Variants in CENPP observed in about 807,000 individuals in gnomAD.
The protein encoded by CENPP is centromere protein P.
CENPP carries 24 observed loss-of-function variants against 35.6 expected under a neutral mutation model. That is an observed-to-expected ratio of 0.67 (90% CI 0.49 to 0.95). CENPP has a LOEUF of 0.95. Ranked by LOEUF, CENPP falls within the 40% of genes least tolerant of loss-of-function variation. CENPP has a pLI of 0.00. For missense variants in CENPP, 332 were observed against 345.3 expected, an observed-to-expected ratio of 0.96 and a Z score of 0.31; for synonymous variants, 120 against 125.5, an observed-to-expected ratio of 0.96 and a Z score of 0.29.
At chr9:92,612,701 A>G (rs1851299848) in intron 7 of CENPP, 87 bp downstream of exon 7, 9 of 950,096 alleles carry the variant, frequency 9.5e-6, no homozygotes, top group African/African-American at 1.6e-5. Context: ...TTCAAAGGGC[A>G]AGAATCAAAA....
intron 4 of CENPP, among the ~76,000 whole-genome samples, chr9:92,360,401 C>T (rs1841715969): frequency 6.6e-6 from 1 of 152,096 alleles, no homozygotes; most frequent in African/African-American, 2.4e-5. Flanking sequence ...CCTATCTCTA[C>T]AAAAACAACA....
chr9:92,504,992 G>A (rs1846911176), intron 5 of CENPP, among the ~76,000 whole-genome samples: 1 of 152,228 alleles, frequency 6.6e-6, no homozygotes, highest in Admixed American at 6.5e-5. Context: ...GGGGCCTGGA[G>A]TTAGTCACAG....
chr9:92,376,684 G>A (rs185977935), intron 4 of CENPP, among the ~76,000 whole-genome samples: 2 of 152,234 alleles, frequency 1.3e-5, no homozygotes, highest in East Asian at 3.9e-4. Context: ...TATGCAGATG[G>A]GTTCTCTACT....
chr9:92,558,809 G>A (rs1208413078), intron 5 of CENPP, among the ~76,000 whole-genome samples: 1 of 152,044 alleles, frequency 6.6e-6, no homozygotes, highest in African/African-American at 2.4e-5. Flanking sequence ...GTCTTGCTGC[G>A]GCTGCTGTGG....
Position 92,613,030 on chromosome 9 carries a change from G to C in CENPP, c.748G>C (p.Asp250His). 1 of 1,614,150 alleles carries C rather than the reference G, an allele frequency of 6.2e-7. No homozygotes were observed. The highest frequency in any genetic ancestry group is 8.5e-7 in the Non-Finnish European group (1 of 1,180,024). ...TKVPQRALEL[D>H]KNRAIETAPL... The stretch of plus-strand genomic sequence containing the variant: ...TGTTTTCTTTATAGCCCTGGAGCTG[G>C]ACAAGAACAGAGCCATAGAAACTGC... Residue 250 changes from aspartate to histidine, a missense_variant, in exon 8 of 8, where the codon GAC becomes CAC. Coordinates refer to ENST00000375587, the MANE Select transcript of CENPP (RefSeq NM_001012267.3).
Position 92,619,651 on chromosome 9 carries a change from G to A in CENPP, c.*6502G>A, listed in dbSNP as rs1286982285. ...CCTTCCTTCCCAGTAGCCAAGTGTGGGAACTGCTTCCTGCCTCAGAACCTG... is the reference window on the plus strand; with the variant it reads ...CCTTCCTTCCCAGTAGCCAAGTGTGAGAACTGCTTCCTGCCTCAGAACCTG... On this transcript the variant is annotated 3_prime_UTR_variant, in exon 8 of 8. Transcript: ENST00000375587. 23 of 1,204,582 alleles carry A rather than the reference G, an allele frequency of 1.9e-5. 1 individual carries two copies. The highest frequency in any genetic ancestry group is 2.7e-5 in the Non-Finnish European group (23 of 837,302). The allele number at this position is 1,204,582 out of a possible 1,614,324, so 74.6% of individuals were successfully genotyped here.
chr9:92,334,803 C>G (rs1840871152), intron 2 of CENPP, among the ~76,000 whole-genome samples: 1 of 149,210 alleles, frequency 6.7e-6, no homozygotes, highest in African/African-American at 2.5e-5. Context: ...TGGCTTGAAG[C>G]TGGGAGGCGG....
chr9:92,494,204 G>T, intron 5 of CENPP: 1 of 1,556,804 alleles, frequency 6.4e-7, no homozygotes, highest in Non-Finnish European at 8.7e-7. Context: ...ATCTGTCTCT[G>T]TGTCATCCCA....
chr9:92,581,593 A>G lies in CENPP; in HGVS notation c.565-29721A>G, dbSNP rs147972166. ...AATAGCATACTTCCTATACCCAGCA[A>G]ATACTGTCTTTCAGAATGAAAGTGA... is the stretch of plus-strand genomic sequence containing the variant. On this transcript the variant is annotated intron_variant, in intron 5 of 7. Transcript: ENST00000375587. Among the ~76,000 whole-genome samples, 437 of 152,298 alleles carry G rather than the reference A, an allele frequency of 2.9e-3. 2 individuals are homozygous for G. The highest frequency in any genetic ancestry group is 9.9e-3 in the African/African-American group (412 of 41,564).
chr9:92,409,294 A>G (rs901606847), intron 5 of CENPP, among the ~76,000 whole-genome samples: 3 of 152,190 alleles, frequency 2.0e-5, no homozygotes, highest in South Asian at 2.1e-4. Context: ...CTTATGCTTT[A>G]TTTCCAAGAT....
rs1849017330 is a variant in CENPP at position 92,533,992 on chromosome 9, G to C, written c.565-77322G>C. Among the ~76,000 whole-genome samples, 5 of 151,894 alleles carry C rather than the reference G, an allele frequency of 3.3e-5. 1 individual carries two copies. In the Middle Eastern group the frequency reaches 0.014, roughly 416 times the overall value. On this transcript the variant is annotated intron_variant, in intron 5 of 7. Coordinates refer to ENST00000375587, the MANE Select transcript of CENPP (RefSeq NM_001012267.3). ...TTGGTAAAAGAATGGAATGTACCTT[G>C]GTATAGGTTGTTTTTGCTGTTTAAT... is the stretch of plus-strand genomic sequence containing the variant.
At chr9:92,536,186 A>G in intron 5 of CENPP, 1 of 372,506 alleles carries the variant, frequency 2.7e-6, no homozygotes, top group Non-Finnish European at 5.1e-6. Context: ...TTTTTTAATC[A>G]TAAGAAAAGT....
intron 5 of CENPP, among the ~76,000 whole-genome samples, chr9:92,461,453 A>G (rs770872138): frequency 2.6e-5 from 4 of 152,168 alleles, no homozygotes; most frequent in Non-Finnish European, 5.9e-5. Flanking sequence ...ATCTCTCTTA[A>G]TGTACAACAT....
chr9:92,326,095 T>C lies in CENPP; in HGVS notation c.97T>C (p.Ser33Pro), dbSNP rs373086441. 9.0e-6 allele frequency: 14 copies of C among 1,549,638 alleles called. No homozygotes were observed. The African/African-American group carries it at 1.7e-4, about 18-fold the overall frequency. Reference sequence around the variant, plus strand: ...CCCACCGGCGCCCTGGGAAGAGAAGTCCCGAGTCCAGTACGTGACCACCCC... The same window carrying C: ...CCCACCGGCGCCCTGGGAAGAGAAGCCCCGAGTCCAGTACGTGACCACCCC... ...EDPPAPWEEK[S>P]RVQKSFQAIH... is the part of the protein sequence containing the mutation. Residue 33 changes from serine to proline, a missense_variant, in exon 1 of 8, where the codon TCC becomes CCC. Physicochemically the swap from Ser to Pro is moderately conservative, Grantham distance 74. Coordinates refer to ENST00000375587, the MANE Select transcript of CENPP (RefSeq NM_001012267.3).
chr9:92,527,802 C>T (rs899334337), intron 5 of CENPP, among the ~76,000 whole-genome samples: 18 of 152,048 alleles, frequency 1.2e-4, no homozygotes, highest in Non-Finnish European at 1.3e-4. Flanking sequence ...CATCCTGGGT[C>T]CTTGGCCTAA....
intron 5 of CENPP, chr9:92,512,083 T>C: frequency 3.7e-6 from 6 of 1,613,846 alleles, no homozygotes; most frequent in South Asian, 3.3e-5. Flanking sequence ...CCAAATTTGG[T>C]AATCCATTAA....
intron 5 of CENPP, chr9:92,466,246 A>G: frequency 1.4e-6 from 1 of 735,064 alleles, no homozygotes; most frequent in Non-Finnish European, 2.2e-6. Context: ...TATCTAGGCA[A>G]AGATTATTCA....
chr9:92,520,725 A>G (rs998277641), intron 5 of CENPP, among the ~76,000 whole-genome samples: 2 of 152,252 alleles, frequency 1.3e-5, no homozygotes, highest in South Asian at 4.1e-4. Context: ...CAACTGGTAG[A>G]CAATATGGAT....
chr9:92,430,393 G>A (rs1232150171), intron 5 of CENPP, among the ~76,000 whole-genome samples: 2 of 148,480 alleles, frequency 1.3e-5, no homozygotes, highest in Non-Finnish European at 3.0e-5. Context: ...AAGACTTTTT[G>A]TTATGTCATT....
Sources: gnomAD v4.1 joint callset for allele counts (sites outside exome capture counted in the v4.1 genomes callset) on GRCh38, gnomAD v4.1.1 for gene constraint, MANE v1.5 for transcripts, NCBI Gene and HGNC (gene_info 2026-07-23, HGNC 2026-07-21) for gene names.